MID1: variants seen among roughly 807,000 people sequenced by gnomAD.
MID1 encodes E3 ubiquitin-protein ligase Midline-1.
A neutral mutation model predicts 40.4 loss-of-function variants in MID1; 7 were observed. The ratio of observed to expected loss-of-function variants is 0.17; its 90% CI spans 0.10 to 0.33. The LOEUF is 0.33. Among genes scored for constraint, MID1 ranks in the 10% least tolerant of loss-of-function variants. MID1 has a pLI of 1.00. For missense variants in MID1, 367 were observed against 558.5 expected, an observed-to-expected ratio of 0.66 and a Z score of 3.46; for synonymous variants, 229 against 221.2, an observed-to-expected ratio of 1.04 and a Z score of -0.31.
At chrX:10,796,442 A>ATT (rs35378685) in intron 1 of MID1, among the ~76,000 whole-genome samples, 12 of 94,647 alleles carry the variant, frequency 1.3e-4, no homozygotes, top group Non-Finnish European at 1.9e-4. Flanking sequence ...TTTTTTAATG[A>ATT]TTTTTTTTTT....
intron 1 of MID1, among the ~76,000 whole-genome samples, chrX:10,681,827 C>T (rs941711654): frequency 8.9e-5 from 10 of 111,799 alleles, no homozygotes; most frequent in African/African-American, 2.9e-4. Context: ...TTTATTCACA[C>T]GAAAGGACAT....
chrX:10,458,466 T>G (rs1928818420), intron 8 of MID1, among the ~76,000 whole-genome samples: 1 of 111,480 alleles, frequency 9.0e-6, no homozygotes, highest in Admixed American at 9.5e-5. Context: ...TAGTTATGAG[T>G]AATTCATCAA....
chrX:10,747,717 T>C (rs2043568538), intron 1 of MID1, among the ~76,000 whole-genome samples: 1 of 112,232 alleles, frequency 8.9e-6, no homozygotes, highest in Non-Finnish European at 1.9e-5. Flanking sequence ...CTTGAACTCA[T>C]TTCTGAATGG....
intron 1 of MID1, among the ~76,000 whole-genome samples, chrX:10,574,718 A>G (rs752838292): frequency 4.4e-5 from 5 of 112,555 alleles, no homozygotes; most frequent in Admixed American, 9.4e-5. Context: ...AATTCTATCA[A>G]TTCTATCAAT....
At chrX:10,764,556 C>A (rs2043706744) in intron 1 of MID1, among the ~76,000 whole-genome samples, 1 of 111,256 alleles carries the variant, frequency 9.0e-6, no homozygotes, top group Admixed American at 9.5e-5. Flanking sequence ...ATCTTTTAAA[C>A]CTTAGAATTT....
intron 1 of MID1, among the ~76,000 whole-genome samples, chrX:10,607,854 AAC>A (rs770756327): frequency 8.9e-6 from 1 of 112,252 alleles, no homozygotes; most frequent in African/African-American, 3.2e-5. Flanking sequence ...TATTTTGCAC[AAC>A]ACAGTTTCTT....
chrX:10,545,185 C>T (rs776627451), intron 2 of MID1, among the ~76,000 whole-genome samples: 1 of 111,692 alleles, frequency 9.0e-6, no homozygotes, highest in Non-Finnish European at 1.9e-5. Flanking sequence ...TGGTCTCGAA[C>T]TCCTGACCTC....
intron 1 of MID1, among the ~76,000 whole-genome samples, chrX:10,661,386 C>T (rs995226831): frequency 9.2e-6 from 1 of 108,263 alleles, no homozygotes; most frequent in Non-Finnish European, 1.9e-5. Context: ...GATCTCGGCT[C>T]ACTGCAAACT....
chrX:10,701,978 T>A (rs751323141), intron 1 of MID1, among the ~76,000 whole-genome samples: 2 of 112,710 alleles, frequency 1.8e-5, no homozygotes, highest in South Asian at 3.7e-4. Flanking sequence ...TTTTTAAAAA[T>A]GAAAGGTGTA....
At chrX:10,799,938 C>T (rs2043994262) in intron 1 of MID1, among the ~76,000 whole-genome samples, 1 of 109,752 alleles carries the variant, frequency 9.1e-6, no homozygotes, top group Non-Finnish European at 1.9e-5. Context: ...TTTTTGATTT[C>T]CTAGTCTTTT....
At chrX:10,453,071 G>C (rs979009911) in intron 9 of MID1, among the ~76,000 whole-genome samples, 4 of 111,821 alleles carry the variant, frequency 3.6e-5, no homozygotes, top group Non-Finnish European at 5.6e-5. Flanking sequence ...AATTGCAAAT[G>C]CCAATCTAGC....
chrX:10,506,309 A>G (rs1250102353), intron 3 of MID1: 1 of 1,050,714 alleles, frequency 9.5e-7, no homozygotes, highest in African/African-American at 1.9e-5. Context: ...ATCCTCCCCA[A>G]GAAGGATATG....
chrX:10,551,118 T>C lies in MID1; in HGVS notation c.660+15770A>G, dbSNP rs12392920. On this transcript the variant is annotated intron_variant, in intron 2 of 9. Transcript: ENST00000317552. ...ATATACTTTATCTCTAGATTAATTA[T>C]AATACCTAATACAATGTAAAAGCTT... 6.5e-3 allele frequency among the ~76,000 whole-genome samples: 735 copies of C among 112,322 alleles called. 8 individuals are homozygous for C. Among genetic ancestry groups the C allele is most frequent in the African/African-American group, 0.022 (693 of 30,930 alleles).
At chrX:10,818,968 A>G (rs953127855) in intron 1 of MID1, among the ~76,000 whole-genome samples, 1 of 111,984 alleles carries the variant, frequency 8.9e-6, no homozygotes, top group Non-Finnish European at 1.9e-5. Flanking sequence ...GCAGGTCATC[A>G]CAGGGCATTC....
intron 1 of MID1, among the ~76,000 whole-genome samples, chrX:10,810,482 G>A (rs759378144): frequency 8.9e-6 from 1 of 111,907 alleles, no homozygotes; most frequent in Non-Finnish European, 1.9e-5. Flanking sequence ...GTGAACACTG[G>A]TGTACAAGTG....
chrX:10,539,547 GA>G (rs2147404587), intron 2 of MID1, among the ~76,000 whole-genome samples: 1 of 112,072 alleles, frequency 8.9e-6, no homozygotes, highest in African/African-American at 3.2e-5. Flanking sequence ...AGCTGCTTCT[GA>G]ATTCAAAACA....
chrX:10,700,162 T>C lies in MID1; in HGVS notation c.-186-79743A>G, dbSNP rs1029212413. 2.7e-5 allele frequency among the ~76,000 whole-genome samples: 3 copies of C among 111,910 alleles called. No homozygotes were observed. In the Admixed American group the frequency reaches 2.9e-4, roughly 11 times the overall value. ...ATAAAGTTTTACTGTAATATAGTTG[T>C]AAGGTAAAGTTATCCTGCAACATAG... is the stretch of plus-strand genomic sequence containing the variant. On this transcript the variant is annotated intron_variant, in intron 1 of 10. Coordinates refer to the MID1 transcript ENST00000380785.
chrX:10,744,459 C>T (rs1486907368), intron 1 of MID1, among the ~76,000 whole-genome samples: 2 of 111,419 alleles, frequency 1.8e-5, no homozygotes, highest in African/African-American at 6.5e-5. Context: ...TAATGAGCCT[C>T]AACAAAAGGA....
At chrX:10,505,221 G>A in intron 3 of MID1, 1 of 352,530 alleles carries the variant, frequency 2.8e-6, no homozygotes, top group Non-Finnish European at 3.7e-6. Context: ...TCCCCATGAT[G>A]TCCTGCTGAC....
Sources: allele counts gnomAD v4.1 joint callset (sites outside exome capture counted in the v4.1 genomes callset), GRCh38; gene constraint gnomAD v4.1.1; transcripts MANE v1.5; gene names NCBI Gene and HGNC (gene_info 2026-07-23, HGNC 2026-07-21).